ALDH1L2: variants seen among roughly 807,000 people sequenced by gnomAD.
The protein encoded by ALDH1L2 is mitochondrial 10-formyltetrahydrofolate dehydrogenase.
In ALDH1L2, 91 loss-of-function variants were observed where a neutral mutation model predicts 111.0. That is an observed-to-expected ratio of 0.82 (90% CI 0.69 to 0.98). The LOEUF is 0.98. Ranked by LOEUF, ALDH1L2 falls within the 50% of genes least tolerant of loss-of-function variation. The pLI is 0.00. For synonymous variants in ALDH1L2, 374 were observed against 392.6 expected (o/e 0.95, Z 0.56); for missense variants, 995 against 1,126.8 (o/e 0.88, Z 1.67).
chr12:105,034,090 G>A (rs923415458), intron 19 of ALDH1L2, among the ~76,000 whole-genome samples: 4 of 152,118 alleles, frequency 2.6e-5, no homozygotes, highest in African/African-American at 9.7e-5. Context: ...GTCCTGCGGG[G>A]TTATTTTGAA....
At chr12:105,061,889 C>T (rs1412878452) in intron 7 of ALDH1L2, 137 bp from the exon 8 acceptor site, 3 of 1,056,064 alleles carry the variant, frequency 2.8e-6, no homozygotes, top group Non-Finnish European at 4.0e-6. Flanking sequence ...AAAGCATTCA[C>T]CATTATGTGT....
intron 1 of ALDH1L2, among the ~76,000 whole-genome samples, chr12:105,081,887 A>C (rs1878351306): frequency 6.6e-6 from 1 of 152,190 alleles, no homozygotes. Context: ...TTGATTTTTA[A>C]ATTTTAAAGA....
Position 105,064,528 on chromosome 12 carries a change from A to G in ALDH1L2, c.786+739T>C, listed in dbSNP as rs968898185. Among the ~76,000 whole-genome samples the G allele has an allele frequency of 9.2e-5, 14 of 152,264 alleles. 1 individual carries two copies. Among genetic ancestry groups the G allele is most frequent in the East Asian group, 3.9e-4 (2 of 5,180 alleles). On this transcript the variant is annotated intron_variant, in intron 6 of 22. Coordinates refer to ENST00000258494, the MANE Select transcript of ALDH1L2 (RefSeq NM_001034173.4). Reference sequence around the variant, plus strand: ...TTAGTATGTACCCAGACTCCTGCTTAACTGCTGAGATTATCAAGACAATCA... The same window carrying G: ...TTAGTATGTACCCAGACTCCTGCTTGACTGCTGAGATTATCAAGACAATCA...
chr12:105,057,008 T>G (rs1876670193), intron 10 of ALDH1L2, among the ~76,000 whole-genome samples: 1 of 150,618 alleles, frequency 6.6e-6, no homozygotes, highest in Non-Finnish European at 1.5e-5. Context: ...TTGCAAATCT[T>G]ACATCTGATA....
chr12:105,046,867 T>C (rs1436431449), intron 14 of ALDH1L2, 32 bp downstream of exon 14: 8 of 1,613,210 alleles, frequency 5.0e-6, no homozygotes, highest in Non-Finnish European at 6.8e-6. Context: ...ACACAACTCA[T>C]GATTCACTCA....
At chr12:105,043,938 C>T (rs1324619709) in intron 15 of ALDH1L2, among the ~76,000 whole-genome samples, 1 of 152,208 alleles carries the variant, frequency 6.6e-6, no homozygotes, top group East Asian at 1.9e-4. Flanking sequence ...ATCTTTCACA[C>T]ATATAACAAA....
At chr12:105,045,980 G>C (rs2136067695) in intron 15 of ALDH1L2, among the ~76,000 whole-genome samples, 1 of 151,780 alleles carries the variant, frequency 6.6e-6, no homozygotes, top group African/African-American at 2.4e-5. Flanking sequence ...AGCTCAGCCA[G>C]TGTTAACTTG....
chr12:105,082,320 A>G (rs1565977478), intron 1 of ALDH1L2, among the ~76,000 whole-genome samples: 2 of 152,206 alleles, frequency 1.3e-5, no homozygotes, highest in Non-Finnish European at 2.9e-5. Context: ...GAACAGTTCC[A>G]TTACCGCCCA....
Position 105,061,062 on chromosome 12 carries a change from G to T in ALDH1L2, c.1058C>A (p.Ala353Asp), listed in dbSNP as rs1438256866. The T allele has an allele frequency of 4.3e-6, 7 of 1,613,660 alleles. No homozygotes were observed. Among genetic ancestry groups the T allele is most frequent in the Non-Finnish European group, 5.9e-6 (7 of 1,179,684 alleles). The stretch of plus-strand genomic sequence containing the variant: ...AATGGGGACATTGCTTAAAATTCCA[G>T]CCCAGATGACCTACACAAAAAGGAA... Reference protein sequence around the residue: ...KVAETIKVIWAGILSNVPIIE... With the variant: ...KVAETIKVIWDGILSNVPIIE... Residue 353 changes from alanine to aspartate, a missense_variant, in exon 9 of 23, where the codon GCT (alanine) becomes GAT (aspartate). Ala to Asp is a moderately radical substitution (Grantham distance 126, BLOSUM62 -2). Coordinates refer to ENST00000258494, the MANE Select transcript of ALDH1L2 (RefSeq NM_001034173.4).
intron 1 of ALDH1L2, among the ~76,000 whole-genome samples, chr12:105,081,141 A>T (rs968983035): frequency 2.0e-5 from 3 of 152,206 alleles, no homozygotes; most frequent in African/African-American, 7.2e-5. Flanking sequence ...AAGGGACTTG[A>T]ACATCTTCAG....
chr12:105,060,629 A>G (rs1876930696), intron 9 of ALDH1L2: 1 of 172,524 alleles, frequency 5.8e-6, no homozygotes, highest in African/African-American at 2.4e-5. Flanking sequence ...GTTCGAGACC[A>G]GCCTAACCAA....
chr12:105,061,852 C>T, intron 7 of ALDH1L2, 100 bp from the exon 8 acceptor site: 1 of 1,393,826 alleles, frequency 7.2e-7, no homozygotes, highest in South Asian at 1.3e-5. Flanking sequence ...CATATAAGGG[C>T]AAGTTTATTT....
intron 6 of ALDH1L2, among the ~76,000 whole-genome samples, chr12:105,063,967 CTTTT>C (rs201497480): frequency 2.2e-5 from 3 of 135,506 alleles, no homozygotes; most frequent in Non-Finnish European, 1.6e-5. Context: ...TGTATTAATT[CTTTT>C]TTTTTTTTTT....
Position 105,026,438 on chromosome 12 carries a change from C to T in ALDH1L2, c.2716+107G>A, listed in dbSNP as rs1000619289. ...CCCTTCTAAACCCAGATATAACTGC[C>T]ATGTAGGAAATGCCCCTCAAAGTCA... is the stretch of plus-strand genomic sequence containing the variant. On this transcript the variant is annotated intron_variant, in intron 22 of 22. Transcript: ENST00000258494. 3.9e-6 allele frequency: 5 copies of T among 1,288,820 alleles called. No homozygotes were observed. In the African/African-American group the frequency reaches 5.9e-5, roughly 15 times the overall value. The allele number at this position is 1,288,820 out of a possible 1,614,324, so 79.8% of individuals were successfully genotyped here.
chr12:105,063,487 A>AAAAAG (rs1555226857), intron 6 of ALDH1L2, among the ~76,000 whole-genome samples: 1 of 151,790 alleles, frequency 6.6e-6, no homozygotes, highest in Non-Finnish European at 1.5e-5. Flanking sequence ...AAGAAAAAAA[A>AAAAAG]AAAGAAAGAA....
chr12:105,053,725 G>C (rs1876439594), intron 10 of ALDH1L2, among the ~76,000 whole-genome samples: 1 of 152,064 alleles, frequency 6.6e-6, no homozygotes, highest in African/African-American at 2.4e-5. Context: ...AATTTCATGG[G>C]AATTGATGTG....
At chr12:105,077,962 G>A (rs1878149229) in intron 1 of ALDH1L2, among the ~76,000 whole-genome samples, 1 of 152,166 alleles carries the variant, frequency 6.6e-6, no homozygotes, top group African/African-American at 2.4e-5. Flanking sequence ...GAGACCCTGA[G>A]GTGCCTAACA....
At position 105,073,831 on chromosome 12, in the gene ALDH1L2, C is replaced by A; in HGVS notation, c.193+30G>T. On this transcript the variant is annotated intron_variant, in intron 2 of 22. Transcript: ENST00000258494. ...CAGCATTGGTAAGGACCTGAGAATT[C>A]TTGACCCAGTCATCCCAAGATGCAC... is the stretch of plus-strand genomic sequence containing the variant. 1.2e-6 allele frequency: 2 copies of A among 1,613,222 alleles called. 1 individual carries two copies. The highest frequency in any genetic ancestry group is 2.2e-5 in the South Asian group (2 of 90,922).
chr12:105,031,677 C>A, intron 20 of ALDH1L2, 92 bp downstream of exon 20: 1 of 1,505,736 alleles, frequency 6.6e-7, no homozygotes, highest in South Asian at 1.3e-5. Flanking sequence ...GATGAAGTTT[C>A]ACCATGTTGG....
Sources: allele counts gnomAD v4.1 joint callset (sites outside exome capture counted in the v4.1 genomes callset), GRCh38; gene constraint gnomAD v4.1.1; transcripts MANE v1.5; gene names NCBI Gene and HGNC (gene_info 2026-07-23, HGNC 2026-07-21).